ESRRG: variants seen among roughly 807,000 people sequenced by gnomAD.
ESRRG encodes estrogen related receptor gamma.
Under a neutral mutation model 44.0 loss-of-function variants are expected in ESRRG, and 13 were observed. The observed-to-expected ratio is 0.30, with a 90% CI of 0.19 to 0.47. The LOEUF (loss-of-function observed/expected upper bound fraction) is 0.47, where lower values mean the gene tolerates loss of function less well. Among genes scored for constraint, ESRRG ranks in the 20% least tolerant of loss-of-function variants. ESRRG has a pLI of 1.00. For synonymous variants in ESRRG, 215 were observed against 214.6 expected, an observed-to-expected ratio of 1.00 and a Z score of -0.02; for missense variants, 395 against 580.6, an observed-to-expected ratio of 0.68 and a Z score of 3.29.
intron 2 of ESRRG, among the ~76,000 whole-genome samples, chr1:216,800,641 G>A (rs1247123769): frequency 6.6e-6 from 1 of 152,114 alleles, no homozygotes; most frequent in Non-Finnish European, 1.5e-5. Context: ...TGTGCCAGAA[G>A]CTTCTTTGAG....
intron 2 of ESRRG, among the ~76,000 whole-genome samples, chr1:216,761,615 A>C (rs532982975): frequency 6.6e-6 from 1 of 152,246 alleles, no homozygotes; most frequent in African/African-American, 2.4e-5. Context: ...AACAATTAAA[A>C]ACAGTAATAA....
intron 1 of ESRRG, among the ~76,000 whole-genome samples, chr1:216,998,784 G>T (rs1344075090): frequency 6.6e-6 from 1 of 152,004 alleles, no homozygotes; most frequent in African/African-American, 2.4e-5. Context: ...GAATATAAAT[G>T]GATTTATAAC....
chr1:216,926,096 G>T (rs891059048), intron 2 of ESRRG, among the ~76,000 whole-genome samples: 2 of 152,180 alleles, frequency 1.3e-5, no homozygotes, highest in Non-Finnish European at 2.9e-5. Flanking sequence ...CAAGCAAAAC[G>T]CTGGGATGGA....
chr1:216,989,047 C>G (rs898587257), intron 1 of ESRRG, among the ~76,000 whole-genome samples: 14 of 152,106 alleles, frequency 9.2e-5, no homozygotes, highest in Admixed American at 3.3e-4. Flanking sequence ...CCTTTCTTGC[C>G]CACACAACTA....
intron 1 of ESRRG, among the ~76,000 whole-genome samples, chr1:216,722,458 T>A (rs7529655): frequency 0.17 from 24,205 of 144,936 alleles, 1,947 homozygotes; most frequent in East Asian, 0.25. Flanking sequence ...TGCATAAAGA[T>A]ATCCATAAAT....
At chr1:217,066,138 G>A (rs961759403) in intron 1 of ESRRG, among the ~76,000 whole-genome samples, 22 of 152,136 alleles carry the variant, frequency 1.4e-4, no homozygotes, top group African/African-American at 5.3e-4. Context: ...TGTTAAATGT[G>A]GCTCAATTAG....
At chr1:216,706,326 A>G (rs1365699968) in intron 1 of ESRRG, among the ~76,000 whole-genome samples, 2 of 152,222 alleles carry the variant, frequency 1.3e-5, no homozygotes, top group Non-Finnish European at 2.9e-5. Context: ...CGAAGCAAAA[A>G]CATAGGTGAG....
At chr1:217,065,978 C>T (rs1274095731) in intron 1 of ESRRG, among the ~76,000 whole-genome samples, 1 of 152,156 alleles carries the variant, frequency 6.6e-6, no homozygotes, top group Non-Finnish European at 1.5e-5. Context: ...CTACATACTC[C>T]AAGACCGAAG....
chr1:216,985,519 T>C (rs557896917), intron 1 of ESRRG, among the ~76,000 whole-genome samples: 61 of 152,338 alleles, frequency 4.0e-4, no homozygotes, highest in African/African-American at 1.4e-3. Flanking sequence ...CCCATCTCTA[T>C]ATCTTTGATG....
At chr1:216,699,280 G>A (rs1246972624) in intron 1 of ESRRG, among the ~76,000 whole-genome samples, 1 of 152,188 alleles carries the variant, frequency 6.6e-6, no homozygotes, top group Non-Finnish European at 1.5e-5. Flanking sequence ...GGGCAAGAAT[G>A]CTGTAAAAGT....
At chr1:217,041,541 A>G (rs2083869145) in intron 1 of ESRRG, among the ~76,000 whole-genome samples, 1 of 152,222 alleles carries the variant, frequency 6.6e-6, no homozygotes, top group Non-Finnish European at 1.5e-5. Context: ...GACAGTAAAG[A>G]AGCTAGCTAT....
chr1:217,128,826 T>A lies in ESRRG; in HGVS notation c.-230+8841A>T, dbSNP rs547431481. 1.3e-4 allele frequency among the ~76,000 whole-genome samples: 20 copies of A among 152,326 alleles called. No homozygotes were observed. In the South Asian group the frequency reaches 4.1e-3, roughly 32 times the overall value. The stretch of plus-strand genomic sequence containing the variant: ...TTGGGTTTTAAATTTTTGTTTTGTG[T>A]TATGTTTAATCTGAGTCTTTTCATG... On this transcript the variant is annotated intron_variant, in intron 1 of 8. Coordinates refer to the ESRRG transcript ENST00000366940.
intron 1 of ESRRG, among the ~76,000 whole-genome samples, chr1:216,708,657 G>T (rs1427241567): frequency 6.6e-6 from 1 of 152,194 alleles, no homozygotes; most frequent in Non-Finnish European, 1.5e-5. Context: ...ACAATGTGGT[G>T]ATTCCTCGAG....
At chr1:216,691,952 G>A (rs1208050440) in intron 1 of ESRRG, among the ~76,000 whole-genome samples, 1 of 152,100 alleles carries the variant, frequency 6.6e-6, no homozygotes. Flanking sequence ...TGATGCTGGT[G>A]TAAACAAACA....
chr1:216,846,911 C>A (rs1301404638), intron 2 of ESRRG, among the ~76,000 whole-genome samples: 2 of 151,636 alleles, frequency 1.3e-5, no homozygotes, highest in Non-Finnish European at 2.9e-5. Context: ...AAAACTAATT[C>A]AGATGCAGAA....
chr1:216,703,897 G>A (rs75366744), intron 1 of ESRRG, among the ~76,000 whole-genome samples: 29,701 of 152,050 alleles, frequency 0.2, 3,785 homozygotes, highest in Non-Finnish European at 0.28. Flanking sequence ...TTGATGTAAG[G>A]AAAATATCTC....
At chr1:216,577,928 CTT>C (rs967269104) in intron 3 of ESRRG, among the ~76,000 whole-genome samples, 1 of 151,950 alleles carries the variant, frequency 6.6e-6, no homozygotes, top group Non-Finnish European at 1.5e-5. Flanking sequence ...TAGGGGAAAA[CTT>C]TATCTCTGAG....
intron 1 of ESRRG, among the ~76,000 whole-genome samples, chr1:217,082,199 G>A (rs1001901462): frequency 3.3e-5 from 5 of 152,142 alleles, no homozygotes; most frequent in Non-Finnish European, 7.3e-5. Flanking sequence ...TTCTACAGTA[G>A]ACAAGAAATG....
At chr1:216,756,787 G>C (rs1303473916) in intron 2 of ESRRG, among the ~76,000 whole-genome samples, 1 of 151,954 alleles carries the variant, frequency 6.6e-6, no homozygotes, top group African/African-American at 2.4e-5. Flanking sequence ...TCATGTAATA[G>C]AAAAGTTGTA....
Sources: gnomAD v4.1 joint callset for allele counts (sites outside exome capture counted in the v4.1 genomes callset) on GRCh38, gnomAD v4.1.1 for gene constraint, MANE v1.5 for transcripts, NCBI Gene and HGNC (gene_info 2026-07-23, HGNC 2026-07-21) for gene names.